The following ALK variants were observed in gnomAD, a reference collection of about 807,000 sequenced individuals.
ALK encodes the protein ALK tyrosine kinase receptor.
ALK carries 74 observed loss-of-function variants against 163.1 expected under a neutral mutation model. The ratio of observed to expected loss-of-function variants is 0.45; its 90% CI spans 0.38 to 0.55. The LOEUF is 0.55. Among genes scored for constraint, ALK ranks in the 20% least tolerant of loss-of-function variants. The pLI, the probability that ALK is intolerant of heterozygous loss-of-function variation, is 0.00. For missense variants in ALK, 2,063 were observed against 2,105.3 expected (o/e 0.98, Z 0.39); for synonymous variants, 960 against 843.2 (o/e 1.14, Z -2.40).
chr2:29,402,869 T>C (rs1221648503), intron 4 of ALK, among the ~76,000 whole-genome samples: 2 of 152,028 alleles, frequency 1.3e-5, no homozygotes, highest in Non-Finnish European at 2.9e-5. Flanking sequence ...TCACCACAAA[T>C]CCCTCCTCCT....
At chr2:29,538,087 C>A (rs1673308380) in intron 3 of ALK, among the ~76,000 whole-genome samples, 1 of 152,086 alleles carries the variant, frequency 6.6e-6, no homozygotes, top group Non-Finnish European at 1.5e-5. Flanking sequence ...AGGCTTTGGA[C>A]TGTGGACATG....
intron 1 of ALK, among the ~76,000 whole-genome samples, chr2:29,780,134 T>C (rs1007655958): frequency 6.6e-6 from 1 of 152,214 alleles, no homozygotes; most frequent in African/African-American, 2.4e-5. Context: ...CTGCAGTCAA[T>C]AGTGTCTACA....
At chr2:29,599,950 A>C (rs1675335896) in intron 3 of ALK, among the ~76,000 whole-genome samples, 1 of 152,142 alleles carries the variant, frequency 6.6e-6, no homozygotes, top group Non-Finnish European at 1.5e-5. Flanking sequence ...TCCCACCCCT[A>C]CCATCTCCCT....
intron 4 of ALK, among the ~76,000 whole-genome samples, chr2:29,458,746 C>G (rs1573372239): frequency 6.6e-6 from 1 of 152,140 alleles, no homozygotes; most frequent in African/African-American, 2.4e-5. Context: ...TCTCCTGGTG[C>G]TGGAGAAAAT....
At chr2:29,911,043 T>G (rs1667687865) in intron 1 of ALK, among the ~76,000 whole-genome samples, 1 of 152,054 alleles carries the variant, frequency 6.6e-6, no homozygotes, top group African/African-American at 2.4e-5. Flanking sequence ...TCAGGAACAT[T>G]GAGGAAGAGA....
chr2:29,871,797 A>T (rs114996791), intron 1 of ALK, among the ~76,000 whole-genome samples: 104 of 152,376 alleles, frequency 6.8e-4, no homozygotes, highest in African/African-American at 2.3e-3. Flanking sequence ...CCAAGGTCAC[A>T]CAGATGGTTC....
chr2:29,830,146 A>G (rs1451587500), intron 1 of ALK, among the ~76,000 whole-genome samples: 1 of 152,336 alleles, frequency 6.6e-6, no homozygotes, highest in Non-Finnish European at 1.5e-5. Context: ...GGCTGTAAAT[A>G]CTTTCAGGAA....
At position 29,432,875 on chromosome 2, in the gene ALK, T is replaced by C. The variant is rs142658358; in HGVS notation, c.1155-49016A>G. On this transcript the variant is annotated intron_variant, in intron 4 of 28. Transcript: ENST00000389048. ...GAAGTGGGGGTGAGTAAGCACTAGA[T>C]AATACATTCAGAAACCTTAGTTCTA... 2.6e-4 allele frequency among the ~76,000 whole-genome samples: 39 copies of C among 152,266 alleles called. No individual in the cohort carries two copies. In the Middle Eastern group the frequency reaches 0.01, roughly 40 times the overall value.
intron 12 of ALK, among the ~76,000 whole-genome samples, chr2:29,242,414 T>C (rs1361155847): frequency 6.6e-6 from 1 of 152,260 alleles, no homozygotes; most frequent in Non-Finnish European, 1.5e-5. Flanking sequence ...TATGAATCAT[T>C]CTGAACTCTT....
intron 5 of ALK, among the ~76,000 whole-genome samples, chr2:29,333,766 A>C (rs1667526332): frequency 6.6e-6 from 1 of 151,798 alleles, no homozygotes; most frequent in Admixed American, 6.6e-5. Flanking sequence ...AGAGGTGTGC[A>C]GCACCATGCC....
At chr2:29,207,400 C>G in intron 25 of ALK, 128 bp from the exon 26 acceptor site, 1 of 750,890 alleles carries the variant, frequency 1.3e-6, no homozygotes, top group South Asian at 1.5e-5. Flanking sequence ...AACCATGAGT[C>G]CTTGGCGGTT....
intron 2 of ALK, among the ~76,000 whole-genome samples, chr2:29,702,131 A>T (rs1412462383): frequency 6.6e-6 from 1 of 152,142 alleles, no homozygotes; most frequent in African/African-American, 2.4e-5. Context: ...ACAAAATACT[A>T]AAGAAATGGT....
intron 1 of ALK, among the ~76,000 whole-genome samples, chr2:29,855,914 G>A (rs955237126): frequency 9.9e-5 from 15 of 152,088 alleles, no homozygotes; most frequent in African/African-American, 2.9e-4. Flanking sequence ...TAAAGATCAC[G>A]TTTTGTTTCT....
intron 5 of ALK, among the ~76,000 whole-genome samples, chr2:29,346,297 A>C (rs948883426): frequency 2.0e-5 from 3 of 152,144 alleles, no homozygotes; most frequent in Non-Finnish European, 4.4e-5. Flanking sequence ...TTCAGAGGGG[A>C]AAAAAAGATC....
chr2:29,803,326 T>G (rs1308560085), intron 1 of ALK, among the ~76,000 whole-genome samples: 2 of 152,206 alleles, frequency 1.3e-5, no homozygotes, highest in African/African-American at 2.4e-5. Flanking sequence ...CCACAAAGTA[T>G]TATTGTAAAG....
intron 5 of ALK, among the ~76,000 whole-genome samples, chr2:29,369,308 T>TTGTG (rs3054016): frequency 0.18 from 25,820 of 145,268 alleles, 2,403 homozygotes; most frequent in Middle Eastern, 0.3. Context: ...ACGTGCATAT[T>TTGTG]TGTGTGTGTG....
At chr2:29,678,104 G>A (rs1367472613) in intron 3 of ALK, among the ~76,000 whole-genome samples, 1 of 151,998 alleles carries the variant, frequency 6.6e-6, no homozygotes, top group African/African-American at 2.4e-5. Context: ...AGGATGTTTA[G>A]TTTCCCTTAC....
chr2:29,900,224 CA>C (rs1401441845), intron 1 of ALK, among the ~76,000 whole-genome samples: 3 of 152,196 alleles, frequency 2.0e-5, no homozygotes, highest in African/African-American at 7.2e-5. Context: ...AAATAGATCT[CA>C]GGGGAAGAGA....
chr2:29,291,237 G>A (rs1157503815), intron 9 of ALK, among the ~76,000 whole-genome samples: 3 of 151,714 alleles, frequency 2.0e-5, no homozygotes, highest in Admixed American at 6.6e-5. Flanking sequence ...GGTGGTGCAC[G>A]CCTGTAGTTC....
Sources: gnomAD v4.1 joint callset for allele counts (sites outside exome capture counted in the v4.1 genomes callset) on GRCh38, gnomAD v4.1.1 for gene constraint, MANE v1.5 for transcripts, NCBI Gene and HGNC (gene_info 2026-07-23, HGNC 2026-07-21) for gene names.